Variants in PUS7L observed in about 807,000 individuals in gnomAD.
The protein encoded by PUS7L is pseudouridine synthase 7 like.
PUS7L carries 49 observed loss-of-function variants against 51.1 expected under a neutral mutation model. The observed-to-expected ratio is 0.96, with a 90% CI of 0.76 to 1.22. The LOEUF (loss-of-function observed/expected upper bound fraction) is 1.22. Among genes scored for constraint, PUS7L ranks in the 50% most tolerant of loss-of-function variants. The pLI, the probability that PUS7L is intolerant of heterozygous loss-of-function variation, is 0.00. For missense variants in PUS7L, 828 were observed against 820.6 expected, an observed-to-expected ratio of 1.01 and a Z score of -0.11; for synonymous variants, 277 against 276.2, an observed-to-expected ratio of 1.00 and a Z score of -0.03.
Position 43,742,571 on chromosome 12 carries a change from A to C in PUS7L, c.1264-16T>G, listed in dbSNP as rs761301318. ...AGCCTTTTTTCTATGTATACAAAAT[A>C]ATCAACAAATTAAGAGTATATAAAT... On this transcript the variant is annotated splice_polypyrimidine_tract_variant and intron_variant, in intron 4 of 8. Transcript: ENST00000344862. 1 of 1,560,962 alleles carries C rather than the reference A, an allele frequency of 6.4e-7. No homozygotes were observed. The highest frequency in any genetic ancestry group is 1.2e-5 in the South Asian group (1 of 85,036).
In PUS7L at chr12:43,750,827, T is replaced by G. The variant is rs79649226; in HGVS notation, c.911-2218A>C. ...ACAGAATCCAGGTAGAGCACAGGAG[T>G]TTTGCTGAGTTAGGAGGGTAGATAT... is the stretch of plus-strand genomic sequence containing the variant. On this transcript the variant is annotated intron_variant, in intron 2 of 8. Coordinates refer to ENST00000344862, the MANE Select transcript of PUS7L (RefSeq NM_031292.5). Among the ~76,000 whole-genome samples the G allele has an allele frequency of 2.8e-3, 421 of 151,772 alleles. 2 individuals are homozygous for G. The highest frequency in any genetic ancestry group is 9.4e-3 in the African/African-American group (389 of 41,398).
intron 1 of PUS7L, chr12:43,758,275 G>C: frequency 1.0e-6 from 1 of 977,974 alleles, no homozygotes; most frequent in Non-Finnish European, 1.2e-6. Flanking sequence ...TGGTAGAAGA[G>C]TGGAACTGAC....
chr12:43,756,684 G>A (rs150060845), intron 1 of PUS7L, among the ~76,000 whole-genome samples: 2 of 152,182 alleles, frequency 1.3e-5, no homozygotes, highest in East Asian at 1.9e-4. Context: ...CACTGTCACG[G>A]TCATAACTTT....
intron 5 of PUS7L, among the ~76,000 whole-genome samples, 163 bp downstream of exon 5, chr12:43,742,294 C>A (rs947930142): frequency 6.6e-6 from 1 of 152,194 alleles, no homozygotes; most frequent in Non-Finnish European, 1.5e-5. Flanking sequence ...AATGTGATAT[C>A]AAGGACAGAG....
intron 6 of PUS7L, among the ~76,000 whole-genome samples, chr12:43,736,992 A>C (rs1432017527): frequency 6.6e-6 from 1 of 152,164 alleles, no homozygotes; most frequent in African/African-American, 2.4e-5. Flanking sequence ...ACAAACAAAA[A>C]ACCTAAAGGA....
chr12:43,757,343 G>T (rs539931321), intron 1 of PUS7L, among the ~76,000 whole-genome samples: 191 of 151,334 alleles, frequency 1.3e-3, no homozygotes, highest in African/African-American at 4.4e-3. Flanking sequence ...GCTAATTCTT[G>T]TATTTTTTTA....
chr12:43,728,397 C>T lies in PUS7L; in HGVS notation c.*1979G>A, dbSNP rs1944483486. ...ATATATTTTCATGCTTTCGTATTTT[C>T]TGATTGCTATTCAAAACTTTTAAAA... On this transcript the variant is annotated 3_prime_UTR_variant, in exon 9 of 9. Transcript: ENST00000344862. The T allele has an allele frequency of 6.6e-6, 1 of 151,982 alleles. No homozygotes were observed. Among genetic ancestry groups the T allele is most frequent in the African/African-American group, 2.4e-5 (1 of 41,412 alleles). 9.4% of individuals were successfully genotyped at this position (151,982 alleles called of 1,614,324 possible). A position where few individuals can be genotyped will look rare whatever the true frequency, so the allele number is the denominator to read the frequency against.
rs1944441839 is a variant in PUS7L, at chr12:43,725,471, G to A, written c.*4905C>T. ...AGGTGGAGCCTCGCTCTGTCACCTA[G>A]GCTGGGCAATCTCGGCTCACTGCAA... On this transcript the variant is annotated 3_prime_UTR_variant, in exon 9 of 9. Coordinates refer to ENST00000344862, the MANE Select transcript of PUS7L (RefSeq NM_031292.5). 1 of 150,670 alleles carries A rather than the reference G, an allele frequency of 6.6e-6. No individual in the cohort carries two copies. The highest frequency in any genetic ancestry group is 2.4e-5 in the African/African-American group (1 of 40,974). 9.3% of individuals were successfully genotyped at this position (150,670 alleles called of 1,614,324 possible).
intron 6 of PUS7L, chr12:43,737,894 T>C (rs10880557): frequency 0.22 from 37,125 of 172,622 alleles, 6,483 homozygotes; most frequent in African/African-American, 0.51. Flanking sequence ...GTTTTAAAAA[T>C]TGACAGGGCT....
In PUS7L at chr12:43,728,203, A is replaced by T. The variant is rs1944480682; in HGVS notation, c.*2173T>A. The T allele has an allele frequency of 6.6e-6, 1 of 152,192 alleles. No homozygotes were observed. 9.4% of individuals were successfully genotyped at this position (152,192 alleles called of 1,614,324 possible). A position where few individuals can be genotyped will look rare whatever the true frequency, so the allele number is the denominator to read the frequency against. ...TTAAACAAAAAAAGTTTAACATGGC[A>T]TCTTATTGGCATATAAAATAATATT... On this transcript the variant is annotated 3_prime_UTR_variant, in exon 9 of 9. Transcript: ENST00000344862.
intron 1 of PUS7L, 67 bp downstream of exon 1, chr12:43,758,663 C>CT: frequency 1.3e-6 from 1 of 761,686 alleles, no homozygotes; most frequent in Non-Finnish European, 1.5e-6. Flanking sequence ...CACCCCCCCC[C>CT]CCCACACACA....
Position 43,754,960 on chromosome 12 carries a change from C to T in PUS7L, c.286G>A (p.Asp96Asn). The T allele has an allele frequency of 6.2e-7, 1 of 1,613,832 alleles. No homozygotes were observed. The change falls in exon 2 of 9, where the codon GAT becomes AAT. Residue 96 changes from aspartate (D) to asparagine (N), a missense_variant. Physicochemically the swap from Asp to Asn is conservative, Grantham distance 23 (BLOSUM62 1). Transcript: ENST00000344862. The part of the protein sequence containing the change: ...QEVHTLIKYT[D>N]GDQNHQSGSE... ...CCAGACTGATGATTTTGGTCACCAT[C>T]AGTGTACTTAATCAAAGTATGAACT...
chr12:43,737,637 C>T (rs1328429943), intron 6 of PUS7L, among the ~76,000 whole-genome samples: 2 of 151,234 alleles, frequency 1.3e-5, no homozygotes, highest in Non-Finnish European at 2.9e-5. Flanking sequence ...GTGTAGTACA[C>T]GCAAGGCATT....
chr12:43,758,652 T>TGGGGGGGGGGGGGC, intron 1 of PUS7L, 78 bp downstream of exon 1: 1 of 708,232 alleles, frequency 1.4e-6, no homozygotes, highest in Non-Finnish European at 1.6e-6. Flanking sequence ...GCCAACCTCG[T>TGGGGGGGGGGGGGC]CACCCCCCCC....
At chr12:43,746,875 G>A (rs951889078) in intron 3 of PUS7L, among the ~76,000 whole-genome samples, 1 of 152,164 alleles carries the variant, frequency 6.6e-6, no homozygotes, top group East Asian at 1.9e-4. Context: ...TACTTGAAGT[G>A]TAATTAAAAT....
Position 43,754,821 on chromosome 12 carries a change from C to A in PUS7L, c.425G>T (p.Cys142Phe), listed in dbSNP as rs760952483. 23 of 1,613,664 alleles carry A rather than the reference C, an allele frequency of 1.4e-5. No individual in the cohort carries two copies. Among genetic ancestry groups the A allele is most frequent in the Non-Finnish European group, 1.1e-5 (13 of 1,179,864 alleles). The change falls in exon 2 of 9, where the codon TGT (cysteine) becomes TTT (phenylalanine). Residue 142 changes from cysteine to phenylalanine, a missense_variant. By Grantham distance (205) the Cys-to-Phe change is radical. Coordinates refer to ENST00000344862, the MANE Select transcript of PUS7L (RefSeq NM_031292.5). The part of the protein sequence containing the change: ...KTHELLNNFA[C>F]DVREKWLSKT... Reference sequence around the variant, plus strand: ...AGAAAGCCACTTCTCTCTTACATCACAGGCAAAATTATTCAGTAACTCATG... The same window carrying A: ...AGAAAGCCACTTCTCTCTTACATCAAAGGCAAAATTATTCAGTAACTCATG...
chr12:43,729,354 T>C lies in PUS7L; in HGVS notation c.*1022A>G. On this transcript the variant is annotated 3_prime_UTR_variant, in exon 9 of 9. Transcript: ENST00000344862. Reference sequence around the variant, plus strand: ...ACTGATATATAATGCTCCATACTGCTTTTTAAATTTCATCATTATATCTTA... The same window carrying C: ...ACTGATATATAATGCTCCATACTGCCTTTTAAATTTCATCATTATATCTTA... 1.5e-5 allele frequency: 6 copies of C among 390,810 alleles called. No homozygotes were observed. Among genetic ancestry groups the C allele is most frequent in the Non-Finnish European group, 2.3e-5 (5 of 221,042 alleles). The allele number at this position is 390,810 out of a possible 1,614,324, so 24.2% of individuals were successfully genotyped here.
At chr12:43,733,570 A>C (rs1944611117) in intron 7 of PUS7L, among the ~76,000 whole-genome samples, 1 of 152,238 alleles carries the variant, frequency 6.6e-6, no homozygotes, top group Non-Finnish European at 1.5e-5. Context: ...GTTATTCTGA[A>C]TGAAGAAGTC....
At position 43,730,283 on chromosome 12, in the gene PUS7L, T is replaced by C. The variant is rs1944518290; in HGVS notation, c.*93A>G. 1.2e-6 allele frequency: 1 copy of C among 808,764 alleles called. No homozygotes were observed. The highest frequency in any genetic ancestry group is 1.7e-5 in the African/African-American group (1 of 57,476). The allele number at this position is 808,764 out of a possible 1,614,324, so 50.1% of individuals were successfully genotyped here. ...TGAAAATTAAAAGAGATAACAATTA[T>C]GAAGTTCCTAACACATGGAAGGTGC... is the stretch of plus-strand genomic sequence containing the variant. On this transcript the variant is annotated 3_prime_UTR_variant, in exon 9 of 9. Coordinates refer to ENST00000344862, the MANE Select transcript of PUS7L (RefSeq NM_031292.5).
Sources: allele counts gnomAD v4.1 joint callset (sites outside exome capture counted in the v4.1 genomes callset), GRCh38; gene constraint gnomAD v4.1.1; transcripts MANE v1.5; gene names NCBI Gene and HGNC (gene_info 2026-07-23, HGNC 2026-07-21).